MTUS2: variants seen among roughly 807,000 people sequenced by gnomAD.
MTUS2 encodes microtubule-associated tumor suppressor candidate 2.
MTUS2 carries 40 observed loss-of-function variants against 114.1 expected under a neutral mutation model. That is an observed-to-expected ratio of 0.35 (90% CI 0.27 to 0.46). MTUS2 has a LOEUF of 0.46. Ranked by LOEUF, MTUS2 falls within the 20% of genes least tolerant of loss-of-function variation. The pLI is 1.00. For missense variants in MTUS2, 1,679 were observed against 1,705.4 expected (o/e 0.98, Z 0.27); for synonymous variants, 688 against 672.0 (o/e 1.02, Z -0.37).
chr13:29,075,314 G>C (rs966708170), intron 4 of MTUS2, among the ~76,000 whole-genome samples: 14 of 152,274 alleles, frequency 9.2e-5, no homozygotes, highest in Admixed American at 2.6e-4. Context: ...TTGTTCCACT[G>C]TCTAAGTGAT....
At chr13:29,191,038 A>G (rs1184599336) in intron 5 of MTUS2, among the ~76,000 whole-genome samples, 3 of 152,120 alleles carry the variant, frequency 2.0e-5, no homozygotes, top group Admixed American at 6.5e-5. Context: ...TACAGCTGCC[A>G]CACAGCTGTA....
chr13:29,011,966 A>C (rs1480958060), intron 2 of MTUS2, among the ~76,000 whole-genome samples: 1 of 152,242 alleles, frequency 6.6e-6, no homozygotes, highest in Non-Finnish European at 1.5e-5. Context: ...AGGAATTTGA[A>C]GGAGCCCTGT....
chr13:29,022,543 C>G (rs1415060262), intron 2 of MTUS2, among the ~76,000 whole-genome samples: 1 of 152,154 alleles, frequency 6.6e-6, no homozygotes, highest in Non-Finnish European at 1.5e-5. Flanking sequence ...AAAGGGAAAA[C>G]AAGTGGGTGG....
chr13:28,861,549 A>G (rs548751924), intron 2 of MTUS2, among the ~76,000 whole-genome samples: 1 of 151,866 alleles, frequency 6.6e-6, no homozygotes, highest in Non-Finnish European at 1.5e-5. Flanking sequence ...AATGCCTGGC[A>G]TTTAGCAGTC....
At chr13:28,891,061 G>A (rs191156540) in intron 2 of MTUS2, among the ~76,000 whole-genome samples, 206 of 152,320 alleles carry the variant, frequency 1.4e-3, no homozygotes, top group African/African-American at 4.4e-3. Flanking sequence ...CCCTCTGGAC[G>A]AGCCCCTGCC....
intron 5 of MTUS2, among the ~76,000 whole-genome samples, chr13:29,226,127 G>A (rs1203101172): frequency 2.0e-5 from 3 of 152,158 alleles, no homozygotes; most frequent in African/African-American, 7.2e-5. Flanking sequence ...AACCATGCCA[G>A]AGAAGCAGCC....
intron 3 of MTUS2, among the ~76,000 whole-genome samples, chr13:29,028,116 G>A (rs1886644789): frequency 7.0e-6 from 1 of 143,678 alleles, no homozygotes; most frequent in Admixed American, 6.7e-5. Context: ...CATTTGGGAA[G>A]CCGAGATGGG....
At chr13:29,002,991 A>G (rs932395917) in intron 2 of MTUS2, among the ~76,000 whole-genome samples, 13 of 152,230 alleles carry the variant, frequency 8.5e-5, no homozygotes, top group Non-Finnish European at 5.9e-5. Context: ...CCAATTGCGC[A>G]CCAACCCTAT....
At chr13:29,020,635 C>T (rs757685447) in intron 2 of MTUS2, among the ~76,000 whole-genome samples, 6 of 152,238 alleles carry the variant, frequency 3.9e-5, no homozygotes, top group African/African-American at 7.2e-5. Flanking sequence ...TGAACTTCCA[C>T]GTGTTGGTTT....
At chr13:29,026,939 G>A (rs1229530104) in intron 3 of MTUS2, 36 bp downstream of exon 3, 1 of 1,518,018 alleles carries the variant, frequency 6.6e-7, no homozygotes, top group African/African-American at 1.4e-5. Flanking sequence ...TCTATAAGTT[G>A]ACTGTCCCAA....
chr13:28,905,020 T>G (rs2137977902), intron 2 of MTUS2, among the ~76,000 whole-genome samples: 1 of 151,774 alleles, frequency 6.6e-6, no homozygotes, highest in African/African-American at 2.4e-5. Context: ...GAAGCAATTG[T>G]GAATGGGAGT....
chr13:29,439,522 T>C (rs1298683006), intron 8 of MTUS2, among the ~76,000 whole-genome samples: 1 of 152,196 alleles, frequency 6.6e-6, no homozygotes, highest in African/African-American at 2.4e-5. Context: ...ATTGATTAAG[T>C]AGCTAATCAT....
At chr13:29,268,506 C>G (rs1270614466) in intron 5 of MTUS2, among the ~76,000 whole-genome samples, 2 of 152,118 alleles carry the variant, frequency 1.3e-5, no homozygotes, top group Non-Finnish European at 1.5e-5. Context: ...GCTTTCTCCT[C>G]CTCCTGTCTG....
chr13:29,306,066 G>T (rs1413895219), intron 6 of MTUS2, among the ~76,000 whole-genome samples: 1 of 152,110 alleles, frequency 6.6e-6, no homozygotes, highest in Admixed American at 6.5e-5. Flanking sequence ...ATTCAGAAAA[G>T]GCCTTTAATA....
intron 2 of MTUS2, among the ~76,000 whole-genome samples, chr13:28,929,182 T>G (rs1020928038): frequency 1.3e-5 from 2 of 151,960 alleles, no homozygotes; most frequent in Non-Finnish European, 1.5e-5. Flanking sequence ...GAAGGGTGGG[T>G]TGAAGGAGAG....
At chr13:29,490,470 C>T (rs542874207) in intron 11 of MTUS2, among the ~76,000 whole-genome samples, 1 of 152,360 alleles carries the variant, frequency 6.6e-6, no homozygotes, top group Non-Finnish European at 1.5e-5. Flanking sequence ...CTTCACCCAG[C>T]TAATAAGACT....
intron 10 of MTUS2, among the ~76,000 whole-genome samples, chr13:29,484,523 G>A (rs1014125087): frequency 2.0e-5 from 3 of 152,348 alleles, no homozygotes; most frequent in South Asian, 4.1e-4. Flanking sequence ...GCACAGCCCC[G>A]CATGGGATGA....
intron 11 of MTUS2, among the ~76,000 whole-genome samples, chr13:29,488,783 C>G (rs756999942): frequency 1.3e-5 from 2 of 152,178 alleles, no homozygotes; most frequent in Non-Finnish European, 2.9e-5. Context: ...GTTAAGTCTC[C>G]AGATCTTTCT....
chr13:29,274,770 C>T (rs1383181860), intron 5 of MTUS2, among the ~76,000 whole-genome samples: 1 of 152,150 alleles, frequency 6.6e-6, no homozygotes. Flanking sequence ...CACTTTATCA[C>T]CCAGGCTGGA....
Sources: gnomAD v4.1 joint callset for allele counts (sites outside exome capture counted in the v4.1 genomes callset) on GRCh38, gnomAD v4.1.1 for gene constraint, MANE v1.5 for transcripts, NCBI Gene and HGNC (gene_info 2026-07-23, HGNC 2026-07-21) for gene names.